ARHGAP15: variants seen among roughly 807,000 people sequenced by gnomAD.
ARHGAP15 encodes the protein Rho GTPase activating protein 15, also known as rho GTPase-activating protein 15.
ARHGAP15 carries 51 observed loss-of-function variants against 63.7 expected under a neutral mutation model. That is an observed-to-expected ratio of 0.80 (90% CI 0.64 to 1.01). The LOEUF (loss-of-function observed/expected upper bound fraction) is 1.01, where lower values mean the gene tolerates loss of function less well. Ranked by LOEUF, ARHGAP15 falls within the 50% of genes least tolerant of loss-of-function variation. The probability of loss-of-function intolerance (pLI) is 0.00; values close to 1 mark genes in which losing one functional copy is unlikely to be tolerated. For synonymous variants in ARHGAP15, 191 were observed against 193.8 expected, an observed-to-expected ratio of 0.99 and a Z score of 0.12; for missense variants, 560 against 564.6, an observed-to-expected ratio of 0.99 and a Z score of 0.08.
At chr2:143,613,253 T>C (rs1301963181) in intron 11 of ARHGAP15, among the ~76,000 whole-genome samples, 1 of 152,214 alleles carries the variant, frequency 6.6e-6, no homozygotes, top group Non-Finnish European at 1.5e-5. Flanking sequence ...TAATAATACA[T>C]TGAAAGTAGG....
chr2:143,589,243 TTA>T (rs1697229700), intron 11 of ARHGAP15, among the ~76,000 whole-genome samples: 1 of 152,226 alleles, frequency 6.6e-6, no homozygotes, highest in African/African-American at 2.4e-5. Flanking sequence ...TAGAGAAATT[TTA>T]TCTTTGCTCC....
chr2:143,300,860 A>C (rs1172295916), intron 6 of ARHGAP15, among the ~76,000 whole-genome samples: 1 of 152,040 alleles, frequency 6.6e-6, no homozygotes, highest in Non-Finnish European at 1.5e-5. Context: ...ATATTAAATT[A>C]CTACAGGACC....
chr2:143,170,703 C>G (rs1690740558), intron 2 of ARHGAP15, among the ~76,000 whole-genome samples: 1 of 152,134 alleles, frequency 6.6e-6, no homozygotes, highest in African/African-American at 2.4e-5. Context: ...GCCTAGTTTT[C>G]TCTGACTGAC....
chr2:143,659,895 T>C (rs971707144), intron 12 of ARHGAP15, among the ~76,000 whole-genome samples: 1 of 151,982 alleles, frequency 6.6e-6, no homozygotes, highest in Non-Finnish European at 1.5e-5. Context: ...TTGGAGTTTT[T>C]TTTTCCCCCA....
At chr2:143,184,017 C>T (rs1001777453) in intron 2 of ARHGAP15, among the ~76,000 whole-genome samples, 3 of 152,228 alleles carry the variant, frequency 2.0e-5, no homozygotes, top group South Asian at 2.1e-4. Flanking sequence ...GCTTCTCAGC[C>T]GCCCAAGTCC....
chr2:143,644,640 A>G (rs1425702828), intron 12 of ARHGAP15, among the ~76,000 whole-genome samples: 4 of 152,104 alleles, frequency 2.6e-5, no homozygotes, highest in Non-Finnish European at 5.9e-5. Flanking sequence ...GAATTTTTAC[A>G]GTGACTGGAA....
chr2:143,338,606 AAGAGT>A (rs1052602078), intron 6 of ARHGAP15, among the ~76,000 whole-genome samples: 1 of 152,202 alleles, frequency 6.6e-6, no homozygotes, highest in African/African-American at 2.4e-5. Context: ...GTTAAATAAT[AAGAGT>A]AGAGAGACTG....
intron 6 of ARHGAP15, among the ~76,000 whole-genome samples, chr2:143,282,262 C>T (rs564606291): frequency 1.8e-4 from 28 of 152,180 alleles, no homozygotes; most frequent in African/African-American, 6.5e-4. Flanking sequence ...AAAAATAAGG[C>T]ATGCATCCAT....
intron 6 of ARHGAP15, among the ~76,000 whole-genome samples, chr2:143,397,483 A>G (rs548722629): frequency 1.3e-5 from 2 of 152,124 alleles, no homozygotes; most frequent in East Asian, 3.9e-4. Context: ...AATCTCTTAG[A>G]TTCTAAAGGA....
intron 13 of ARHGAP15, among the ~76,000 whole-genome samples, chr2:143,711,348 G>C (rs1310171000): frequency 6.6e-6 from 1 of 152,186 alleles, no homozygotes; most frequent in Non-Finnish European, 1.5e-5. Flanking sequence ...CTAGGCAGCA[G>C]CTGAAATTTA....
intron 12 of ARHGAP15, among the ~76,000 whole-genome samples, chr2:143,627,359 A>C (rs1178639326): frequency 6.6e-6 from 1 of 152,166 alleles, no homozygotes; most frequent in Non-Finnish European, 1.5e-5. Context: ...CGTATTTTTG[A>C]TATAACCTTG....
At chr2:143,520,351 C>T (rs1415136926) in intron 10 of ARHGAP15, among the ~76,000 whole-genome samples, 1 of 152,164 alleles carries the variant, frequency 6.6e-6, no homozygotes, top group Admixed American at 6.5e-5. Flanking sequence ...CAATTTCTAA[C>T]TCCTGGAAAT....
chr2:143,341,568 C>A (rs1009241187), intron 6 of ARHGAP15, among the ~76,000 whole-genome samples: 1 of 152,102 alleles, frequency 6.6e-6, no homozygotes, highest in Non-Finnish European at 1.5e-5. Flanking sequence ...TATGCTTAGT[C>A]TAAAGTCACA....
intron 2 of ARHGAP15, 57 bp from the exon 3 acceptor site, chr2:143,202,077 T>C: frequency 3.0e-6 from 4 of 1,350,220 alleles, no homozygotes; most frequent in Non-Finnish European, 4.2e-6. Context: ...TGTGTATTCT[T>C]ACTAAACTCT....
At chr2:143,533,272 A>T (rs987161835) in intron 10 of ARHGAP15, 1 of 152,206 alleles carries the variant, frequency 6.6e-6, no homozygotes. Flanking sequence ...TTAACGTTGG[A>T]AGAACTCTGA....
At chr2:143,500,891 AT>A (rs1158254382) in intron 9 of ARHGAP15, among the ~76,000 whole-genome samples, 3 of 152,174 alleles carry the variant, frequency 2.0e-5, no homozygotes, top group African/African-American at 4.8e-5. Context: ...TTTTGTAATG[AT>A]TTTTTAAAAT....
At chr2:143,707,563 C>T (rs1439877218) in intron 13 of ARHGAP15, among the ~76,000 whole-genome samples, 2 of 152,134 alleles carry the variant, frequency 1.3e-5, no homozygotes, top group Non-Finnish European at 2.9e-5. Flanking sequence ...GCTAACATAT[C>T]GGAAAACCCG....
chr2:143,477,965 G>A (rs1024140967), intron 8 of ARHGAP15, among the ~76,000 whole-genome samples: 1 of 152,154 alleles, frequency 6.6e-6, no homozygotes, highest in African/African-American at 2.4e-5. Flanking sequence ...CACTGTTGTG[G>A]GCTAAGTGTG....
intron 6 of ARHGAP15, among the ~76,000 whole-genome samples, chr2:143,306,580 A>G (rs1185686614): frequency 6.6e-6 from 1 of 152,148 alleles, no homozygotes; most frequent in Admixed American, 6.6e-5. Context: ...AAAAATATTA[A>G]TCCTTCTTAG....
Sources: allele counts gnomAD v4.1 joint callset (sites outside exome capture counted in the v4.1 genomes callset), GRCh38; gene constraint gnomAD v4.1.1; transcripts MANE v1.5; gene names NCBI Gene and HGNC (gene_info 2026-07-23, HGNC 2026-07-21).